RHOF: variants seen among roughly 807,000 people sequenced by gnomAD.
RHOF encodes ras homolog family member F, filopodia associated.
A neutral mutation model predicts 22.2 loss-of-function variants in RHOF; 21 were observed. The observed-to-expected ratio is 0.95, with a 90% CI of 0.67 to 1.36. The LOEUF is 1.36. RHOF is among the 40% of genes most tolerant of loss of function. The probability of loss-of-function intolerance (pLI) is 0.00; values close to 1 mark genes in which losing one functional copy is unlikely to be tolerated. For missense variants in RHOF, 285 were observed against 293.7 expected, an observed-to-expected ratio of 0.97 and a Z score of 0.22; for synonymous variants, 135 against 131.2, an observed-to-expected ratio of 1.03 and a Z score of -0.20.
At chr12:121,786,309 G>A (rs972595271) in intron 2 of RHOF, among the ~76,000 whole-genome samples, 1 of 152,086 alleles carries the variant, frequency 6.6e-6, no homozygotes, top group Non-Finnish European at 1.5e-5. Flanking sequence ...ACCTGCCTCG[G>A]CCTCCCAAAG....
intron 2 of RHOF, among the ~76,000 whole-genome samples, chr12:121,789,314 G>A (rs1341253985): frequency 1.3e-5 from 2 of 152,132 alleles, no homozygotes; most frequent in African/African-American, 2.4e-5. Context: ...CTAGGCCTGG[G>A]CTCCCCCTAG....
intron 4 of RHOF, chr12:121,779,878 C>T (rs1344171369): frequency 1.8e-6 from 1 of 562,238 alleles, no homozygotes. Context: ...CCTGTCCAGG[C>T]CCCCACCCTG....
chr12:121,783,673 G>A lies in RHOF; in HGVS notation c.227-2481C>T, dbSNP rs186157249. On this transcript the variant is annotated intron_variant, in intron 2 of 4. Transcript: ENST00000267205. ...AATTTTGTATTTTTAGTAGAGATGG[G>A]GTTTCTCCATGTTGGTCAGGCTGGT... Among the ~76,000 whole-genome samples, 762 of 152,198 alleles carry A rather than the reference G, an allele frequency of 5.0e-3. 3 individuals carry two copies. The highest frequency in any genetic ancestry group is 8.5e-3 in the Non-Finnish European group (577 of 68,012).
intron 2 of RHOF, among the ~76,000 whole-genome samples, chr12:121,786,456 C>T (rs1447949910): frequency 2.0e-5 from 3 of 152,184 alleles, no homozygotes; most frequent in Admixed American, 6.5e-5. Context: ...CAGGAGGTGG[C>T]GGGGCAGGCA....
intron 1 of RHOF, 61 bp downstream of exon 1, chr12:121,793,435 G>T: frequency 3.3e-6 from 5 of 1,527,564 alleles, no homozygotes; most frequent in Non-Finnish European, 4.4e-6. Flanking sequence ...GAGGGTCGGG[G>T]CTCTGGGCTC....
At chr12:121,781,693 G>A (rs1874464678) in intron 2 of RHOF, 1 of 159,736 alleles carries the variant, frequency 6.3e-6, no homozygotes. Context: ...AGACCTGTGG[G>A]GCTGAGTGGG....
chr12:121,793,481 C>G lies in RHOF; in HGVS notation c.138+15G>C. On this transcript the variant is annotated intron_variant, in intron 1 of 4. Transcript: ENST00000267205. The stretch of plus-strand genomic sequence containing the variant: ...GCGTCCCTCGCCCCCACCCCAGCCC[C>G]GCTGCGGGCCTCACCTCGGGGAAGG... 6.5e-7 allele frequency: 1 copy of G among 1,540,184 alleles called. No homozygotes were observed. Among genetic ancestry groups the G allele is most frequent in the Non-Finnish European group, 8.7e-7 (1 of 1,146,628 alleles).
chr12:121,782,152 C>T (rs1874485790), intron 2 of RHOF: 1 of 152,198 alleles, frequency 6.6e-6, no homozygotes, highest in Non-Finnish European at 1.5e-5. Context: ...TTCTCCCTGT[C>T]AGGGCACGGT....
At chr12:121,787,673 G>A (rs933920229) in intron 2 of RHOF, among the ~76,000 whole-genome samples, 3 of 152,068 alleles carry the variant, frequency 2.0e-5, no homozygotes, top group Admixed American at 6.5e-5. Context: ...AGGCTGAGGC[G>A]GGCGGATCGC....
At chr12:121,781,482 A>C in intron 2 of RHOF, 2 of 344,082 alleles carry the variant, frequency 5.8e-6, no homozygotes, top group Non-Finnish European at 5.5e-6. Flanking sequence ...TAACAACAAA[A>C]CCCATGAGCG....
chr12:121,781,594 T>G, intron 2 of RHOF: 1 of 213,614 alleles, frequency 4.7e-6, no homozygotes, highest in East Asian at 1.2e-4. Flanking sequence ...GAGAAACTGC[T>G]AGAGATGATG....
intron 3 of RHOF, 36 bp from the exon 4 acceptor site, chr12:121,781,042 G>A (rs1012255393): frequency 5.6e-6 from 9 of 1,613,466 alleles, no homozygotes; most frequent in Admixed American, 1.7e-5. Context: ...GGGTGCGGCC[G>A]GGCCCAGATG....
At chr12:121,781,245 C>T in intron 2 of RHOF, 53 bp from the exon 3 acceptor site, 1 of 1,536,772 alleles carries the variant, frequency 6.5e-7, no homozygotes, top group South Asian at 1.1e-5. Flanking sequence ...TGTCTGGACT[C>T]TGACGGGTGA....
intron 2 of RHOF, among the ~76,000 whole-genome samples, 166 bp downstream of exon 2, chr12:121,792,986 C>T (rs567683720): frequency 3.3e-5 from 5 of 152,374 alleles, no homozygotes; most frequent in Admixed American, 6.5e-5. Context: ...TAGGGCTTGG[C>T]CTCTAGGGCC....
rs368771810 is a variant in RHOF, at chr12:121,779,252, G to A, written c.*246C>T. ...GGGTGGCTGTGATGAGGGCACTTGC[G>A]AGTCCCGACAACAGACACTGGCTCC... is the stretch of plus-strand genomic sequence containing the variant. On this transcript the variant is annotated 3_prime_UTR_variant, in exon 5 of 5. Coordinates refer to ENST00000267205, the MANE Select transcript of RHOF (RefSeq NM_019034.3). 2.4e-5 allele frequency: 13 copies of A among 548,184 alleles called. No homozygotes were observed. Among genetic ancestry groups the A allele is most frequent in the East Asian group, 2.1e-4 (7 of 33,280 alleles). 34.0% of individuals were successfully genotyped at this position (548,184 alleles called of 1,614,324 possible). A position where few individuals can be genotyped will look rare whatever the true frequency, so the allele number is the denominator to read the frequency against.
chr12:121,784,431 G>GCTA (rs1415506638), intron 2 of RHOF, among the ~76,000 whole-genome samples: 1 of 151,492 alleles, frequency 6.6e-6, no homozygotes, highest in African/African-American at 2.4e-5. Context: ...TGTAGTCCCA[G>GCTA]CTACTCCAGA....
At chr12:121,790,640 G>A (rs1027721586) in intron 2 of RHOF, among the ~76,000 whole-genome samples, 2 of 152,190 alleles carry the variant, frequency 1.3e-5, no homozygotes, top group Admixed American at 6.5e-5. Flanking sequence ...ACCCTACAGG[G>A]AGCAGCCAGA....
chr12:121,789,399 G>A (rs1490471672), intron 2 of RHOF, among the ~76,000 whole-genome samples: 1 of 152,170 alleles, frequency 6.6e-6, no homozygotes, highest in South Asian at 2.1e-4. Context: ...GCCGCACACA[G>A]GGCTATTTTC....
rs1874430397 is a variant in RHOF at position 121,780,949 on chromosome 12, T to C, written c.394A>G (p.Lys132Glu). Residue 132 changes from lysine (K) to glutamate (E), a missense_variant, in exon 4 of 5, where the codon AAG becomes GAG. By Grantham distance (56) the Lys-to-Glu change is moderately conservative. Coordinates refer to ENST00000267205, the MANE Select transcript of RHOF (RefSeq NM_019034.3). ...RGIPMVLIGC[K>E]TDLRKDKEQL... ...TCCTTGTCCTTCCTCAGGTCTGTCT[T>C]GCAGCCGATGAGCACCATGGGGATC... is the stretch of plus-strand genomic sequence containing the variant. The C allele has an allele frequency of 1.9e-6, 3 of 1,613,962 alleles. 1 individual carries two copies. Among genetic ancestry groups the C allele is most frequent in the South Asian group, 2.2e-5 (2 of 91,090 alleles).
Sources: gnomAD v4.1 joint callset for allele counts (sites outside exome capture counted in the v4.1 genomes callset) on GRCh38, gnomAD v4.1.1 for gene constraint, MANE v1.5 for transcripts, NCBI Gene and HGNC (gene_info 2026-07-23, HGNC 2026-07-21) for gene names.